The following PREX1 variants were observed in gnomAD, a reference collection of about 807,000 sequenced individuals.
The protein encoded by PREX1 is phosphatidylinositol 3,4,5-trisphosphate-dependent Rac exchanger 1 protein.
In PREX1, 41 loss-of-function variants were observed where a neutral mutation model predicts 198.3. The observed-to-expected ratio is 0.21, with a 90% confidence interval of 0.16 to 0.27. The LOEUF is 0.27. Ranked by LOEUF, PREX1 falls within the 10% of genes least tolerant of loss-of-function variation. PREX1 has a pLI of 1.00. For missense variants in PREX1, 1,620 were observed against 2,200.7 expected (o/e 0.74, Z 5.28); for synonymous variants, 843 against 887.2 (o/e 0.95, Z 0.89).
In PREX1 at chr20:48,651,587, G is replaced by A; in HGVS notation, c.2468-4C>T. The A allele has an allele frequency of 6.2e-7, 1 of 1,611,758 alleles. No individual in the cohort carries two copies. Reference sequence around the variant, plus strand: ...CCCAGGGACAGCAGTGGGAAGGCTGGAAGCCAAAAGAGGTGACATCTGAGC... The same window carrying A: ...CCCAGGGACAGCAGTGGGAAGGCTGAAAGCCAAAAGAGGTGACATCTGAGC... On this transcript the variant is annotated splice_polypyrimidine_tract_variant and splice_region_variant and intron_variant, in intron 21 of 39. Coordinates refer to ENST00000371941, the MANE Select transcript of PREX1 (RefSeq NM_020820.4).
intron 11 of PREX1, among the ~76,000 whole-genome samples, chr20:48,679,974 T>A (rs527591968): frequency 2.2e-4 from 34 of 152,244 alleles, no homozygotes; most frequent in African/African-American, 8.2e-4. Flanking sequence ...TACCCCATCC[T>A]CCTGCTACGT....
chr20:48,751,455 G>A (rs1197031325), intron 1 of PREX1, among the ~76,000 whole-genome samples: 1 of 152,194 alleles, frequency 6.6e-6, no homozygotes, highest in Non-Finnish European at 1.5e-5. Flanking sequence ...GCCACCCACT[G>A]AGGAACTGCA....
chr20:48,750,963 G>A (rs1568850392), intron 1 of PREX1, among the ~76,000 whole-genome samples: 1 of 152,160 alleles, frequency 6.6e-6, no homozygotes, highest in Non-Finnish European at 1.5e-5. Context: ...GGAATCATAG[G>A]AATACAGCAC....
At chr20:48,734,404 G>A (rs911723070) in intron 4 of PREX1, 142 bp downstream of exon 4, 2 of 751,824 alleles carry the variant, frequency 2.7e-6, no homozygotes, top group Non-Finnish European at 4.5e-6. Flanking sequence ...AAAAGGCTTG[G>A]CGATCCCTGC....
intron 6 of PREX1, among the ~76,000 whole-genome samples, chr20:48,704,249 C>T (rs1337294077): frequency 6.6e-6 from 1 of 152,216 alleles, no homozygotes; most frequent in Admixed American, 6.5e-5. Context: ...TCACCTCTAA[C>T]TCAGGCCGCT....
At chr20:48,854,220 C>G in the PREX1 span, among the ~76,000 whole-genome samples, 1 of 152,168 alleles carries the variant, frequency 6.6e-6, no homozygotes, top group East Asian at 1.9e-4. Context: ...GAGGTGATTA[C>G]TCCCCACTTA....
At chr20:48,772,994 C>T (rs1056397084) in intron 1 of PREX1, among the ~76,000 whole-genome samples, 2 of 152,136 alleles carry the variant, frequency 1.3e-5, no homozygotes, top group Non-Finnish European at 2.9e-5. Flanking sequence ...TGGCCAGGCG[C>T]GGTGGCTCAT....
intron 2 of PREX1, among the ~76,000 whole-genome samples, chr20:48,746,789 T>TTA (rs2090109639): frequency 6.6e-6 from 1 of 152,088 alleles, no homozygotes; most frequent in Non-Finnish European, 1.5e-5. Flanking sequence ...TAAACTGTAA[T>TTA]AAGTCGCAGC....
chr20:48,836,416 A>G, the PREX1 span, among the ~76,000 whole-genome samples: 1 of 152,194 alleles, frequency 6.6e-6, no homozygotes, highest in African/African-American at 2.4e-5. Context: ...AGGCTGGAAC[A>G]GGGGTGAGGG....
rs35288307 is a variant in PREX1 at position 48,816,029 on chromosome 20, GAAA to G, written c.219+11610_219+11612del. ...TGTCTCAAAAAAAAAAGAAAAAAAGGAAAAAAAAAAAAAAAAACAGAGAGATGC... is the reference window on the plus strand; with the variant it reads ...TGTCTCAAAAAAAAAAGAAAAAAAGGAAAAAAAAAAAAAACAGAGAGATGC... On this transcript the variant is annotated intron_variant, in intron 1 of 39. Coordinates refer to ENST00000371941, the MANE Select transcript of PREX1 (RefSeq NM_020820.4). Among the ~76,000 whole-genome samples the G allele has an allele frequency of 8.7e-4, 109 of 124,638 alleles. 3 individuals are homozygous for G. Among genetic ancestry groups the G allele is most frequent in the African/African-American group, 3.0e-3 (102 of 34,540 alleles). The allele number at this position is 124,638 out of a possible 152,430, so 81.8% of individuals were successfully genotyped here. A position where few individuals can be genotyped will look rare whatever the true frequency, so the allele number is the denominator to read the frequency against.
chr20:48,831,786 A>C (rs1038166794), upstream of PREX1, among the ~76,000 whole-genome samples: 4 of 152,228 alleles, frequency 2.6e-5, no homozygotes, highest in Admixed American at 6.5e-5. Flanking sequence ...GCCTCAGGTC[A>C]CTACCCCAGT....
chr20:48,884,969 A>C, the PREX1 span, among the ~76,000 whole-genome samples: 1 of 152,154 alleles, frequency 6.6e-6, no homozygotes, highest in East Asian at 1.9e-4. Flanking sequence ...CCATGCATGA[A>C]AGAGCCTGAC....
rs3037311 is a variant in PREX1, at chr20:48,743,990, GTGATGA to G, written c.414+1029_414+1034del. 3.0e-3 allele frequency among the ~76,000 whole-genome samples: 455 copies of G among 149,254 alleles called. 1 individual carries two copies. The highest frequency in any genetic ancestry group is 6.8e-3 in the Middle Eastern group (2 of 292). ...TGTGATCCCTTGGAGAAGTGAGTTA[GTGATGA>G]TGATGATGATGATGATGATGATGAT... On this transcript the variant is annotated intron_variant, in intron 3 of 39. Coordinates refer to ENST00000371941, the MANE Select transcript of PREX1 (RefSeq NM_020820.4).
At chr20:48,738,193 C>T (rs577107519) in intron 3 of PREX1, among the ~76,000 whole-genome samples, 2 of 152,276 alleles carry the variant, frequency 1.3e-5, no homozygotes, top group South Asian at 4.1e-4. Context: ...CCAGCTGGAA[C>T]ACTGGTGAGG....
intron 1 of PREX1, among the ~76,000 whole-genome samples, chr20:48,809,417 C>T (rs147449688): frequency 1.3e-5 from 2 of 152,322 alleles, no homozygotes; most frequent in Non-Finnish European, 2.9e-5. Context: ...CTTCTGGGAA[C>T]CACTCCTCCC....
At chr20:48,800,613 G>A (rs2090382093) in intron 1 of PREX1, among the ~76,000 whole-genome samples, 1 of 152,074 alleles carries the variant, frequency 6.6e-6, no homozygotes, top group Admixed American at 6.5e-5. Context: ...CAAGGACCAG[G>A]GAAGCTGCAG....
At chr20:48,804,169 C>A (rs1305815697) in intron 1 of PREX1, among the ~76,000 whole-genome samples, 13 of 152,228 alleles carry the variant, frequency 8.5e-5, no homozygotes. Context: ...CCTTCTTTCA[C>A]TCTGCAAATA....
the PREX1 span, among the ~76,000 whole-genome samples, chr20:48,861,759 G>C: frequency 6.6e-6 from 1 of 151,980 alleles, no homozygotes; most frequent in Non-Finnish European, 1.5e-5. Flanking sequence ...CCCAAATAGG[G>C]GGACCTCACA....
intron 1 of PREX1, among the ~76,000 whole-genome samples, chr20:48,814,181 C>G (rs2090449341): frequency 6.6e-6 from 1 of 152,270 alleles, no homozygotes; most frequent in South Asian, 2.1e-4. Flanking sequence ...GGGCCCCATT[C>G]AGCCCCTTTT....
Sources: allele counts gnomAD v4.1 joint callset (sites outside exome capture counted in the v4.1 genomes callset), GRCh38; gene constraint gnomAD v4.1.1; transcripts MANE v1.5; gene names NCBI Gene and HGNC (gene_info 2026-07-23, HGNC 2026-07-21).